SPMAP2L: variants seen among roughly 807,000 people sequenced by gnomAD.
SPMAP2L encodes sperm microtubule associated protein 2-like.
chr4:56,564,133 A>ATTTTTTT, the SPMAP2L span, among the ~76,000 whole-genome samples: 1 of 133,642 alleles, frequency 7.5e-6, no homozygotes, highest in African/African-American at 2.8e-5. Context: ...AATCTGTGGA[A>ATTTTTTT]TTTTTTTTTT....
the SPMAP2L span, among the ~76,000 whole-genome samples, chr4:56,614,000 A>G: frequency 2.6e-5 from 4 of 152,326 alleles, no homozygotes; most frequent in East Asian, 7.7e-4. Flanking sequence ...CTGAGTTTAT[A>G]GCTTACTGAG....
At chr4:56,611,930 A>G in the SPMAP2L span, among the ~76,000 whole-genome samples, 1 of 152,172 alleles carries the variant, frequency 6.6e-6, no homozygotes, top group African/African-American at 2.4e-5. Flanking sequence ...CTGCTGCTGT[A>G]AAGCTTCCCC....
chr4:56,530,873 A>T, the SPMAP2L span: 4 of 1,534,700 alleles, frequency 2.6e-6, no homozygotes, highest in Admixed American at 2.0e-5. Context: ...GAGGTCAGGG[A>T]GCAAGACCAG....
At chr4:56,580,790 G>A in the SPMAP2L span, among the ~76,000 whole-genome samples, 1 of 152,102 alleles carries the variant, frequency 6.6e-6, no homozygotes, top group African/African-American at 2.4e-5. Flanking sequence ...TCAAGAAGGT[G>A]CAGAATCCAA....
chr4:56,613,872 G>C, the SPMAP2L span, among the ~76,000 whole-genome samples: 2 of 152,192 alleles, frequency 1.3e-5, no homozygotes, highest in Non-Finnish European at 2.9e-5. Flanking sequence ...TGTGTATTTG[G>C]ATAAATTAGC....
At chr4:56,579,585 C>T in the SPMAP2L span, among the ~76,000 whole-genome samples, 87 of 152,048 alleles carry the variant, frequency 5.7e-4, no homozygotes, top group African/African-American at 2.0e-3. Context: ...GCCTGGGCAA[C>T]ATAGTGAGAC....
At chr4:56,593,103 G>A in the SPMAP2L span, 199 of 1,577,038 alleles carry the variant, frequency 1.3e-4, 1 homozygote, top group Non-Finnish European at 1.7e-4. Flanking sequence ...ACGATTTTGC[G>A]GAACTTACTG....
the SPMAP2L span, among the ~76,000 whole-genome samples, chr4:56,555,226 A>T: frequency 6.6e-6 from 1 of 152,130 alleles, no homozygotes; most frequent in South Asian, 2.1e-4. Context: ...GGCATGAGCC[A>T]CCGTGCCTGG....
the SPMAP2L span, chr4:56,594,023 C>T: frequency 2.4e-4 from 389 of 1,611,038 alleles, 1 homozygote; most frequent in Middle Eastern, 2.2e-4. Flanking sequence ...GGCCGCTCAG[C>T]GGCAGATCAA....
the SPMAP2L span, among the ~76,000 whole-genome samples, chr4:56,614,454 A>G: frequency 6.6e-6 from 1 of 152,100 alleles, no homozygotes. Flanking sequence ...CAGGAGTTCA[A>G]GACCAGCCTG....
At chr4:56,581,606 C>T in the SPMAP2L span, among the ~76,000 whole-genome samples, 19 of 150,728 alleles carry the variant, frequency 1.3e-4, no homozygotes, top group African/African-American at 2.2e-4. Context: ...GGTGACAGAA[C>T]GAGACCCTGT....
the SPMAP2L span, among the ~76,000 whole-genome samples, chr4:56,602,710 T>C: frequency 2.0e-5 from 3 of 151,894 alleles, no homozygotes; most frequent in African/African-American, 4.8e-5. Context: ...AATAAAACAA[T>C]AAAATAAAAA....
At chr4:56,569,657 A>G in the SPMAP2L span, among the ~76,000 whole-genome samples, 2 of 152,110 alleles carry the variant, frequency 1.3e-5, no homozygotes, top group African/African-American at 2.4e-5. Flanking sequence ...TAAAAATACA[A>G]TTAGCTGGGT....
At chr4:56,579,007 T>C in the SPMAP2L span, among the ~76,000 whole-genome samples, 8,374 of 151,754 alleles carry the variant, frequency 0.055, 752 homozygotes, top group African/African-American at 0.19. Context: ...AATTCAACAA[T>C]AATAGTTGGA....
the SPMAP2L span, among the ~76,000 whole-genome samples, chr4:56,623,823 T>C: frequency 6.6e-6 from 1 of 152,156 alleles, no homozygotes; most frequent in Non-Finnish European, 1.5e-5. Flanking sequence ...ATTAAACCTC[T>C]TTTTCTTCCC....
the SPMAP2L span, among the ~76,000 whole-genome samples, chr4:56,547,365 C>A: frequency 6.6e-6 from 1 of 151,918 alleles, no homozygotes; most frequent in Non-Finnish European, 1.5e-5. Flanking sequence ...CCTGCCTCAG[C>A]CTCCCAAGTA....
At chr4:56,594,413 G>A in the SPMAP2L span, 6 of 1,595,536 alleles carry the variant, frequency 3.8e-6, no homozygotes, top group Non-Finnish European at 5.2e-6. Context: ...TGTGCCTCTG[G>A]ACCAAGCTCA....
chr4:56,568,091 A>C, the SPMAP2L span, among the ~76,000 whole-genome samples: 2 of 152,092 alleles, frequency 1.3e-5, no homozygotes, highest in African/African-American at 4.8e-5. Context: ...TCTCACCCAG[A>C]GTATTTTTCT....
chr4:56,607,068 G>C, the SPMAP2L span, among the ~76,000 whole-genome samples: 1 of 152,112 alleles, frequency 6.6e-6, no homozygotes, highest in African/African-American at 2.4e-5. Flanking sequence ...TGGATTTCTA[G>C]GTTATGAAAC....
Sources: allele counts gnomAD v4.1 joint callset (sites outside exome capture counted in the v4.1 genomes callset), GRCh38; gene constraint gnomAD v4.1.1; transcripts MANE v1.5; gene names NCBI Gene and HGNC (gene_info 2026-07-23, HGNC 2026-07-21).